NSMAF: variants seen among roughly 807,000 people sequenced by gnomAD.
NSMAF encodes the protein neutral sphingomyelinase activation associated factor, also known as protein FAN.
NSMAF carries 90 observed loss-of-function variants against 134.9 expected under a neutral mutation model. The ratio of observed to expected loss-of-function variants is 0.67; its 90% CI spans 0.56 to 0.79. The LOEUF (loss-of-function observed/expected upper bound fraction) is 0.79. Among genes scored for constraint, NSMAF ranks in the 30% least tolerant of loss-of-function variants. NSMAF has a pLI of 0.00. For missense variants in NSMAF, 1,010 were observed against 1,119.0 expected, an observed-to-expected ratio of 0.90 and a Z score of 1.39; for synonymous variants, 358 against 389.6, an observed-to-expected ratio of 0.92 and a Z score of 0.96.
chr8:58,620,885 C>T (rs1013359213), intron 9 of NSMAF, among the ~76,000 whole-genome samples: 5 of 152,104 alleles, frequency 3.3e-5, no homozygotes, highest in African/African-American at 1.2e-4. Flanking sequence ...TGTAATATAC[C>T]ATACTCTGTG....
At chr8:58,650,143 G>C (rs1317925502) in intron 1 of NSMAF, among the ~76,000 whole-genome samples, 1 of 152,178 alleles carries the variant, frequency 6.6e-6, no homozygotes, top group African/African-American at 2.4e-5. Flanking sequence ...CTTTCAGTCT[G>C]AAGATTAGTA....
chr8:58,634,350 A>C (rs531211183), intron 5 of NSMAF, among the ~76,000 whole-genome samples: 5 of 152,234 alleles, frequency 3.3e-5, no homozygotes, highest in Admixed American at 3.3e-4. Context: ...AGTGATAGAA[A>C]AAGTGCTGGG....
chr8:58,623,747 G>A lies in NSMAF; in HGVS notation c.418C>T (p.Pro140Ser). The A allele has an allele frequency of 6.2e-7, 1 of 1,614,008 alleles. No homozygotes were observed. The highest frequency in any genetic ancestry group is 1.1e-5 in the South Asian group (1 of 91,064). The change falls in exon 7 of 31, where the codon CCC becomes TCC. Residue 140 changes from proline to serine, a missense_variant. Pro to Ser is a moderately conservative substitution (Grantham distance 74). Coordinates refer to ENST00000038176, the MANE Select transcript of NSMAF (RefSeq NM_003580.4). Reference sequence around the variant, plus strand: ...TCCACAACATCTTCCACTTTCCCGGGAACATCCAATTCAAAAACATATTCC... The same window carrying A: ...TCCACAACATCTTCCACTTTCCCGGAAACATCCAATTCAAAAACATATTCC... ...KMEYVFELDV[P>S]GKVEDVVETL...
chr8:58,592,673 A>C (rs1262107800), intron 23 of NSMAF, among the ~76,000 whole-genome samples: 3 of 152,210 alleles, frequency 2.0e-5, no homozygotes, highest in African/African-American at 7.2e-5. Flanking sequence ...GGAACACCTG[A>C]GGTCAGGAGT....
chr8:58,659,137 C>A, intron 1 of NSMAF: 1 of 1,363,482 alleles, frequency 7.3e-7, no homozygotes, highest in South Asian at 1.6e-5. Flanking sequence ...CGCCGAGTGC[C>A]TGGACCCGAT....
intron 9 of NSMAF, among the ~76,000 whole-genome samples, chr8:58,618,909 C>T (rs7011033): frequency 0.034 from 5,183 of 152,060 alleles, 101 homozygotes; most frequent in Non-Finnish European, 0.044. Flanking sequence ...TTTCATATGG[C>T]AAAAATCCCT....
At chr8:58,594,316 T>A in intron 22 of NSMAF, 26 bp from the exon 23 acceptor site, 1 of 1,593,480 alleles carries the variant, frequency 6.3e-7, no homozygotes, top group East Asian at 2.2e-5. Context: ...GTTTCACAAA[T>A]TACTACTCAT....
intron 5 of NSMAF, among the ~76,000 whole-genome samples, chr8:58,632,681 A>C (rs1446366539): frequency 6.6e-6 from 1 of 152,198 alleles, no homozygotes; most frequent in Non-Finnish European, 1.5e-5. Context: ...CAGGGCTTTA[A>C]AAAGTCTCTA....
chr8:58,607,909 A>G (rs1414663106), intron 10 of NSMAF, 69 bp from the exon 11 acceptor site: 1 of 1,249,664 alleles, frequency 8.0e-7, no homozygotes, highest in Non-Finnish European at 1.2e-6. Context: ...CTATAGTATC[A>G]GAAAGGGGAA....
At chr8:58,620,642 A>G (rs1261809585) in intron 9 of NSMAF, among the ~76,000 whole-genome samples, 1 of 152,150 alleles carries the variant, frequency 6.6e-6, no homozygotes, top group Non-Finnish European at 1.5e-5. Flanking sequence ...AACCTTTGAT[A>G]TTGTCAATGA....
Position 58,586,700 on chromosome 8 carries a change from A to G in NSMAF, c.2296-92T>C. The G allele has an allele frequency of 3.8e-6, 4 of 1,041,904 alleles. No homozygotes were observed. The East Asian group carries it at 9.6e-5, about 25-fold the overall frequency. The allele number at this position is 1,041,904 out of a possible 1,614,324, so 64.5% of individuals were successfully genotyped here. A position where few individuals can be genotyped will look rare whatever the true frequency, so the allele number is the denominator to read the frequency against. ...CTGGTTCAAATATGTAGTCATCATG[A>G]TATAAATTAAACTCTATTGTGCAGT... On this transcript the variant is annotated intron_variant, in intron 27 of 30. Transcript: ENST00000038176.
chr8:58,607,135 C>A (rs1186204266), intron 11 of NSMAF, among the ~76,000 whole-genome samples: 1 of 152,146 alleles, frequency 6.6e-6, no homozygotes, highest in African/African-American at 2.4e-5. Context: ...ACTGGTTAAT[C>A]TTCAAAGGAG....
intron 19 of NSMAF, among the ~76,000 whole-genome samples, chr8:58,598,687 A>G (rs2680904): frequency 0.9 from 137,176 of 151,998 alleles, 62,154 homozygotes; most frequent in East Asian, 0.97. Context: ...TGAATTTGGT[A>G]TTATTTGGGC....
At position 58,610,591 on chromosome 8, in the gene NSMAF, C is replaced by T. The variant is rs149155175; in HGVS notation, c.558-858G>A. ...GAGCATGTAAAGCAACCTAAATGAA[C>T]ATGATTGCAAAAAGGAAAGAAGAGA... On this transcript the variant is annotated intron_variant, in intron 9 of 30. Coordinates refer to ENST00000038176, the MANE Select transcript of NSMAF (RefSeq NM_003580.4). Among the ~76,000 whole-genome samples the T allele has an allele frequency of 3.9e-5, 6 of 152,174 alleles. No individual in the cohort carries two copies. In the East Asian group the frequency reaches 1.2e-3, roughly 29 times the overall value.
At chr8:58,599,095 G>T in intron 19 of NSMAF, 137 bp downstream of exon 19, 1 of 816,434 alleles carries the variant, frequency 1.2e-6, no homozygotes, top group Non-Finnish European at 2.0e-6. Flanking sequence ...GACAGAACAT[G>T]CTTCCACTGA....
chr8:58,593,167 T>C (rs1806058735), intron 23 of NSMAF, among the ~76,000 whole-genome samples: 1 of 152,218 alleles, frequency 6.6e-6, no homozygotes, highest in African/African-American at 2.4e-5. Context: ...GTAGAAATCC[T>C]GGCAAAATAC....
chr8:58,585,317 G>GTTTTTTTT (rs571525208), intron 30 of NSMAF, among the ~76,000 whole-genome samples: 2 of 144,330 alleles, frequency 1.4e-5, no homozygotes, highest in African/African-American at 2.6e-5. Flanking sequence ...TTGTTTCTGG[G>GTTTTTTTT]TTTTTTTTTT....
chr8:58,641,075 C>A (rs1183887832), intron 2 of NSMAF, among the ~76,000 whole-genome samples: 1 of 151,822 alleles, frequency 6.6e-6, no homozygotes, highest in East Asian at 2.0e-4. Context: ...GGGTGCACCA[C>A]CACGCCTGGC....
intron 21 of NSMAF, chr8:58,595,874 G>GA (rs1806127264): frequency 4.5e-6 from 2 of 448,808 alleles, no homozygotes; most frequent in Non-Finnish European, 4.1e-6. Flanking sequence ...AATAATACTA[G>GA]AATCTTTTTA....
Sources: gnomAD v4.1 joint callset for allele counts (sites outside exome capture counted in the v4.1 genomes callset) on GRCh38, gnomAD v4.1.1 for gene constraint, MANE v1.5 for transcripts, NCBI Gene and HGNC (gene_info 2026-07-23, HGNC 2026-07-21) for gene names.